Variants in CENPC observed in about 807,000 individuals in gnomAD.
CENPC encodes CENP-C 1.
In CENPC, 63 loss-of-function variants were observed where a neutral mutation model predicts 112.1. The observed-to-expected ratio is 0.56, with a 90% CI of 0.46 to 0.69. The LOEUF is 0.69. Among genes scored for constraint, CENPC ranks in the 30% least tolerant of loss-of-function variants. The probability of loss-of-function intolerance (pLI) is 0.00; values close to 1 mark genes in which losing one functional copy is unlikely to be tolerated. For missense variants in CENPC, 1,000 were observed against 1,103.8 expected (o/e 0.91, Z 1.33); for synonymous variants, 333 against 367.6 (o/e 0.91, Z 1.08).
chr4:67,509,585 T>C (rs914415576), intron 9 of CENPC, among the ~76,000 whole-genome samples: 1 of 152,146 alleles, frequency 6.6e-6, no homozygotes, highest in African/African-American at 2.4e-5. Flanking sequence ...TACAACTACC[T>C]ATTCTATCCA....
At chr4:67,482,348 A>C (rs1272516126) in intron 17 of CENPC, among the ~76,000 whole-genome samples, 1 of 152,134 alleles carries the variant, frequency 6.6e-6, no homozygotes, top group Non-Finnish European at 1.5e-5. Context: ...AGAAAACCTT[A>C]GTAGAGCTAA....
intron 10 of CENPC, among the ~76,000 whole-genome samples, chr4:67,507,884 G>A (rs1577988497): frequency 6.6e-6 from 1 of 152,040 alleles, no homozygotes; most frequent in Non-Finnish European, 1.5e-5. Flanking sequence ...AGAATGGCCT[G>A]AAAAAGTGAA....
At chr4:67,491,523 A>C (rs867096881) in intron 16 of CENPC, among the ~76,000 whole-genome samples, 84 of 132,734 alleles carry the variant, frequency 6.3e-4, no homozygotes, top group African/African-American at 2.0e-3. Flanking sequence ...AGAGAGAGAG[A>C]GAGAGCCTGG....
intron 17 of CENPC, among the ~76,000 whole-genome samples, chr4:67,482,926 A>G (rs1306704792): frequency 7.4e-6 from 1 of 134,256 alleles, no homozygotes; most frequent in African/African-American, 2.5e-5. Context: ...TAATCCCCAC[A>G]TGTCATGGGA....
chr4:67,497,304 G>T (rs1011607957), intron 12 of CENPC, among the ~76,000 whole-genome samples: 90 of 150,362 alleles, frequency 6.0e-4, no homozygotes, highest in Middle Eastern at 3.2e-3. Context: ...CTTGAACCCA[G>T]AAGGCGGAGG....
At chr4:67,504,164 G>A (rs1725671616) in intron 12 of CENPC, among the ~76,000 whole-genome samples, 1 of 150,226 alleles carries the variant, frequency 6.7e-6, no homozygotes. Context: ...CATGACCCTG[G>A]AGACCAAGCT....
intron 6 of CENPC, 118 bp downstream of exon 6, chr4:67,519,094 TCATAA>T (rs1726141950): frequency 2.9e-6 from 2 of 700,140 alleles, no homozygotes; most frequent in East Asian, 2.8e-5. Context: ...GTATACTTTC[TCATAA>T]CATGTTAATA....
At chr4:67,518,711 G>C (rs538564211) in intron 6 of CENPC, among the ~76,000 whole-genome samples, 19 of 152,000 alleles carry the variant, frequency 1.3e-4, no homozygotes, top group Non-Finnish European at 2.8e-4. Flanking sequence ...TTAACTCCTT[G>C]GCTCCAGTAA....
chr4:67,488,074 TCA>T (rs763622408), intron 17 of CENPC, among the ~76,000 whole-genome samples: 48 of 151,876 alleles, frequency 3.2e-4, no homozygotes, highest in Admixed American at 4.6e-4. Flanking sequence ...AACTACATAA[TCA>T]CAGAGTAAAA....
chr4:67,486,968 G>GTTTTTTTTTTTTTT (rs58948980), intron 17 of CENPC, among the ~76,000 whole-genome samples: 2 of 131,820 alleles, frequency 1.5e-5, no homozygotes, highest in Non-Finnish European at 1.6e-5. Flanking sequence ...TTGCTTTTAG[G>GTTTTTTTTTTTTTT]TTTTTTTTTT....
At chr4:67,514,034 T>A in intron 8 of CENPC, 40 bp downstream of exon 8, 1 of 1,493,392 alleles carries the variant, frequency 6.7e-7, no homozygotes, top group Non-Finnish European at 8.9e-7. Flanking sequence ...ATAAAATGGG[T>A]AGAATAATGC....
chr4:67,504,410 T>A (rs546259421), intron 12 of CENPC, among the ~76,000 whole-genome samples: 2 of 151,950 alleles, frequency 1.3e-5, no homozygotes, highest in East Asian at 1.9e-4. Flanking sequence ...GTTAAAAGAA[T>A]AGTGATTATT....
At chr4:67,539,731 T>A in intron 4 of CENPC, 109 bp downstream of exon 4, 1 of 559,922 alleles carries the variant, frequency 1.8e-6, no homozygotes, top group Non-Finnish European at 3.1e-6. Flanking sequence ...AATATAGAAT[T>A]CCCTTTCAAG....
intron 5 of CENPC, among the ~76,000 whole-genome samples, chr4:67,528,351 C>A (rs1440131697): frequency 6.6e-6 from 1 of 152,098 alleles, no homozygotes; most frequent in Non-Finnish European, 1.5e-5. Context: ...ACAATATTAA[C>A]CATTTATGAG....
At chr4:67,489,866 G>A (rs1725191031) in intron 17 of CENPC, 101 bp downstream of exon 17, 7 of 1,022,180 alleles carry the variant, frequency 6.8e-6, no homozygotes, top group Non-Finnish European at 8.3e-6. Context: ...TGTAGTAATC[G>A]AATTTCATTT....
rs1726872004 is a variant in CENPC at position 67,540,999 on chromosome 4, T to G, written c.117A>C (p.Gln39His). 18 of 1,609,098 alleles carry G rather than the reference T, an allele frequency of 1.1e-5. No individual in the cohort carries two copies. The highest frequency in any genetic ancestry group is 1.5e-5 in the Non-Finnish European group (18 of 1,177,592). Reference protein sequence around the residue: ...EQGQNVLEILQDCFEEKSLAN... With the variant: ...EQGQNVLEILHDCFEEKSLAN... ...CCTTACTTTTTTCTTCAAAACAGTC[T>G]TGTAAGATTTCCAGAACATTCTGGC... Residue 39 changes from glutamine to histidine, a missense_variant, in exon 3 of 19, where the codon CAA becomes CAC. Gln to His is a conservative substitution (Grantham distance 24). Coordinates refer to ENST00000273853, the MANE Select transcript of CENPC (RefSeq NM_001812.4).
intron 4 of CENPC, among the ~76,000 whole-genome samples, chr4:67,535,866 G>A (rs1726704573): frequency 6.6e-6 from 1 of 152,076 alleles, no homozygotes; most frequent in Non-Finnish European, 1.5e-5. Context: ...ACATTATTTA[G>A]AAATATGGAG....
At chr4:67,498,388 T>C (rs1284570120) in intron 12 of CENPC, among the ~76,000 whole-genome samples, 1 of 152,174 alleles carries the variant, frequency 6.6e-6, no homozygotes, top group African/African-American at 2.4e-5. Flanking sequence ...TTAAAATAAG[T>C]CAACAATGAA....
intron 6 of CENPC, 76 bp downstream of exon 6, chr4:67,519,141 A>C: frequency 7.7e-6 from 8 of 1,045,354 alleles, no homozygotes; most frequent in Non-Finnish European, 1.1e-5. Flanking sequence ...ATAATATAAC[A>C]AGATTGAATT....
Sources: allele counts gnomAD v4.1 joint callset (sites outside exome capture counted in the v4.1 genomes callset), GRCh38; gene constraint gnomAD v4.1.1; transcripts MANE v1.5; gene names NCBI Gene and HGNC (gene_info 2026-07-23, HGNC 2026-07-21).